Variants in SPAG16 observed in about 807,000 individuals in gnomAD.
SPAG16 encodes sperm associated antigen 16, also known as sperm-associated antigen 16 protein.
SPAG16 carries 86 observed loss-of-function variants against 80.4 expected under a neutral mutation model. The ratio of observed to expected loss-of-function variants is 1.07; its 90% CI spans 0.90 to 1.28. The LOEUF is 1.28. SPAG16 is among the 50% of genes most tolerant of loss of function. The pLI is 0.00. For missense variants in SPAG16, 870 were observed against 765.3 expected (o/e 1.14, Z -1.61); for synonymous variants, 294 against 265.9 (o/e 1.11, Z -1.03).
At chr2:213,967,929 C>T (rs1350039272) in intron 12 of SPAG16, among the ~76,000 whole-genome samples, 1 of 152,026 alleles carries the variant, frequency 6.6e-6, no homozygotes, top group African/African-American at 2.4e-5. Context: ...TTTACGATAT[C>T]AGTGATTGAT....
chr2:214,389,696 A>G (rs1003077714), intron 15 of SPAG16, among the ~76,000 whole-genome samples: 1 of 152,250 alleles, frequency 6.6e-6, no homozygotes. Flanking sequence ...TTAAAGGAAG[A>G]GTCCTTGCTT....
intron 10 of SPAG16, among the ~76,000 whole-genome samples, chr2:213,588,476 C>A (rs2060546195): frequency 6.7e-6 from 1 of 149,528 alleles, no homozygotes. Flanking sequence ...GTAAGGGAAT[C>A]CAAAAGTACA....
At chr2:214,052,490 C>T (rs1216161698) in intron 13 of SPAG16, among the ~76,000 whole-genome samples, 3 of 152,194 alleles carry the variant, frequency 2.0e-5, no homozygotes, top group African/African-American at 7.2e-5. Context: ...CTCTGACTTG[C>T]CTGCACCAGC....
chr2:213,328,290 G>A (rs757098857), intron 5 of SPAG16, among the ~76,000 whole-genome samples: 3 of 151,840 alleles, frequency 2.0e-5, no homozygotes, highest in African/African-American at 2.4e-5. Flanking sequence ...AAAAATACAG[G>A]GTTAAAATGA....
intron 11 of SPAG16, among the ~76,000 whole-genome samples, chr2:213,906,867 G>T (rs976642980): frequency 5.9e-5 from 9 of 152,102 alleles, no homozygotes; most frequent in Admixed American, 2.6e-4. Flanking sequence ...AACTCAAAAT[G>T]GATTAAAGGC....
At chr2:214,255,540 C>T (rs981186301) in intron 15 of SPAG16, among the ~76,000 whole-genome samples, 2 of 152,026 alleles carry the variant, frequency 1.3e-5, no homozygotes, top group Middle Eastern at 3.4e-3. Flanking sequence ...ACTCTAAACA[C>T]TTCCACACAT....
chr2:213,746,121 G>C (rs758754030), intron 10 of SPAG16, among the ~76,000 whole-genome samples: 1 of 152,086 alleles, frequency 6.6e-6, no homozygotes, highest in Admixed American at 6.6e-5. Flanking sequence ...TCTGACCCCT[G>C]GCATATTTTT....
intron 12 of SPAG16, among the ~76,000 whole-genome samples, chr2:213,975,249 G>T (rs1023403413): frequency 6.6e-6 from 1 of 150,878 alleles, no homozygotes; most frequent in African/African-American, 2.4e-5. Context: ...ATTTTCAAGT[G>T]CCTATAGAAT....
chr2:213,807,273 G>A (rs150459638), intron 10 of SPAG16, among the ~76,000 whole-genome samples: 1 of 151,986 alleles, frequency 6.6e-6, no homozygotes, highest in Admixed American at 6.6e-5. Context: ...TCTATTTGGA[G>A]GGGGAGATTC....
chr2:214,196,189 C>A (rs1228634700), intron 15 of SPAG16, among the ~76,000 whole-genome samples: 1 of 151,952 alleles, frequency 6.6e-6, no homozygotes, highest in Non-Finnish European at 1.5e-5. Context: ...AAGGAAGAAA[C>A]CATGCCAGAG....
chr2:213,987,454 T>A (rs2046069095), intron 12 of SPAG16, among the ~76,000 whole-genome samples: 1 of 152,084 alleles, frequency 6.6e-6, no homozygotes. Flanking sequence ...TTCTGATAAA[T>A]CAAGTTAAAA....
chr2:213,983,242 T>G (rs2045852799), intron 12 of SPAG16, among the ~76,000 whole-genome samples: 1 of 151,982 alleles, frequency 6.6e-6, no homozygotes, highest in Non-Finnish European at 1.5e-5. Flanking sequence ...ATACCAATCA[T>G]TTTCAGGTCA....
chr2:213,397,628 C>T (rs1268714564), intron 9 of SPAG16, among the ~76,000 whole-genome samples: 1 of 152,150 alleles, frequency 6.6e-6, no homozygotes, highest in Non-Finnish European at 1.5e-5. Flanking sequence ...AGTTCCTTGA[C>T]AGCCTCTCCT....
At chr2:213,575,467 C>T (rs1363406497) in intron 10 of SPAG16, among the ~76,000 whole-genome samples, 2 of 151,970 alleles carry the variant, frequency 1.3e-5, no homozygotes, top group Non-Finnish European at 2.9e-5. Flanking sequence ...GTCTTATCCC[C>T]ATATTAATTA....
rs368287886 is a variant in SPAG16, at chr2:213,779,181, T to A, written c.1071-83304T>A. Among the ~76,000 whole-genome samples the A allele has an allele frequency of 1.2e-4, 19 of 152,352 alleles. No individual in the cohort carries two copies. The East Asian group carries it at 2.3e-3, about 19-fold the overall frequency. ...ATTGCTACTCCATAAGTTTTCTTTG[T>A]TTTTAGTTATACCTCCAACTTCTTT... On this transcript the variant is annotated intron_variant, in intron 10 of 15. Coordinates refer to ENST00000331683, the MANE Select transcript of SPAG16 (RefSeq NM_024532.5).
intron 12 of SPAG16, among the ~76,000 whole-genome samples, chr2:214,013,049 GT>G (rs1157804434): frequency 6.6e-6 from 1 of 152,088 alleles, no homozygotes; most frequent in Admixed American, 6.6e-5. Context: ...AAACCACTGG[GT>G]TTAAATTCTC....
intron 5 of SPAG16, among the ~76,000 whole-genome samples, chr2:213,329,236 A>G (rs1382483411): frequency 6.6e-6 from 1 of 152,238 alleles, no homozygotes; most frequent in Non-Finnish European, 1.5e-5. Flanking sequence ...AGAACTGGGT[A>G]ACAGGCAGAG....
intron 12 of SPAG16, among the ~76,000 whole-genome samples, chr2:214,007,221 C>T (rs529494258): frequency 1.3e-5 from 2 of 151,966 alleles, no homozygotes; most frequent in South Asian, 4.2e-4. Flanking sequence ...AATTTTTAGT[C>T]TAATTAATGG....
intron 15 of SPAG16, among the ~76,000 whole-genome samples, chr2:214,253,371 G>A (rs931890891): frequency 1.3e-5 from 2 of 151,930 alleles, no homozygotes; most frequent in South Asian, 2.1e-4. Context: ...GTCATGAAGT[G>A]TTTGCCCATG....
Sources: gnomAD v4.1 joint callset for allele counts (sites outside exome capture counted in the v4.1 genomes callset) on GRCh38, gnomAD v4.1.1 for gene constraint, MANE v1.5 for transcripts, NCBI Gene and HGNC (gene_info 2026-07-23, HGNC 2026-07-21) for gene names.